The following SPMAP2L variants were observed in gnomAD, a reference collection of about 807,000 sequenced individuals.
SPMAP2L encodes sperm microtubule associated protein 2 like.
the SPMAP2L span, among the ~76,000 whole-genome samples, chr4:56,550,373 TA>T: frequency 1.3e-4 from 19 of 150,988 alleles, 1 homozygote; most frequent in South Asian, 2.3e-3. Context: ...GGTTTTCAGT[TA>T]AAAAAAAATA....
At chr4:56,565,298 A>G in the SPMAP2L span, among the ~76,000 whole-genome samples, 1 of 152,130 alleles carries the variant, frequency 6.6e-6, no homozygotes, top group Non-Finnish European at 1.5e-5. Context: ...GGATTTGTCT[A>G]TTTCTCCTTG....
At chr4:56,596,499 G>A in the SPMAP2L span, 1 of 1,516,194 alleles carries the variant, frequency 6.6e-7, no homozygotes, top group Non-Finnish European at 8.8e-7. Context: ...TTCTCCCCTA[G>A]ATGCAAACCA....
At chr4:56,542,745 C>T in the SPMAP2L span, among the ~76,000 whole-genome samples, 1 of 100,018 alleles carries the variant, frequency 1.0e-5, no homozygotes, top group African/African-American at 4.7e-5. Context: ...TAAGGCGCAT[C>T]CTCTGGCTCT....
chr4:56,614,332 A>T, the SPMAP2L span, among the ~76,000 whole-genome samples: 21 of 152,212 alleles, frequency 1.4e-4, no homozygotes, highest in Non-Finnish European at 3.1e-4. Flanking sequence ...TACATAGTAC[A>T]CTGTGAGGTG....
the SPMAP2L span, among the ~76,000 whole-genome samples, chr4:56,547,470 T>C: frequency 6.6e-6 from 1 of 152,170 alleles, no homozygotes; most frequent in African/African-American, 2.4e-5. Flanking sequence ...GATCTCGAAC[T>C]CCTGACCTCA....
chr4:56,613,558 G>A, the SPMAP2L span, among the ~76,000 whole-genome samples: 1 of 152,178 alleles, frequency 6.6e-6, no homozygotes, highest in South Asian at 2.1e-4. Context: ...AGCAATAACA[G>A]ACCTCAACTA....
At chr4:56,586,142 A>T in the SPMAP2L span, among the ~76,000 whole-genome samples, 4 of 152,174 alleles carry the variant, frequency 2.6e-5, no homozygotes, top group African/African-American at 9.7e-5. Context: ...GGGGGCTGGA[A>T]TCATCTGGAG....
the SPMAP2L span, among the ~76,000 whole-genome samples, chr4:56,587,462 A>C: frequency 1.5e-4 from 18 of 122,594 alleles, no homozygotes; most frequent in South Asian, 1.2e-3. Flanking sequence ...TTTGTCCCTC[A>C]CCCCCCTCCC....
chr4:56,582,546 T>C, the SPMAP2L span, among the ~76,000 whole-genome samples: 1 of 151,862 alleles, frequency 6.6e-6, no homozygotes, highest in East Asian at 1.9e-4. Flanking sequence ...TGATAAGAAA[T>C]AATAAATCAA....
chr4:56,535,661 G>C, the SPMAP2L span, among the ~76,000 whole-genome samples: 1 of 152,180 alleles, frequency 6.6e-6, no homozygotes, highest in South Asian at 2.1e-4. Flanking sequence ...TGTCTGAGGG[G>C]TTTTGTCTGT....
chr4:56,547,377 C>A, the SPMAP2L span, among the ~76,000 whole-genome samples: 1 of 151,956 alleles, frequency 6.6e-6, no homozygotes, highest in Admixed American at 6.6e-5. Flanking sequence ...TCCCAAGTAG[C>A]TGGGATTACA....
the SPMAP2L span, among the ~76,000 whole-genome samples, chr4:56,547,135 T>G: frequency 6.6e-6 from 1 of 152,218 alleles, no homozygotes; most frequent in Admixed American, 6.5e-5. Context: ...ACACTGAAGT[T>G]GTAACCAATA....
the SPMAP2L span, chr4:56,530,830 C>T: frequency 6.5e-7 from 1 of 1,535,320 alleles, no homozygotes; most frequent in East Asian, 2.4e-5. Context: ...GTCCGAGGAT[C>T]CCGAGAAACA....
the SPMAP2L span, chr4:56,530,652 C>T: frequency 6.6e-6 from 10 of 1,526,456 alleles, no homozygotes; most frequent in Non-Finnish European, 8.8e-6. Flanking sequence ...GTGAGTCCCG[C>T]GCGCGACAGA....
the SPMAP2L span, among the ~76,000 whole-genome samples, chr4:56,582,994 C>T: frequency 1.5e-4 from 23 of 152,172 alleles, no homozygotes; most frequent in East Asian, 4.3e-3. Flanking sequence ...AATTCCTGGC[C>T]GGGTGCAGTG....
chr4:56,566,447 T>C, the SPMAP2L span, among the ~76,000 whole-genome samples: 1 of 152,188 alleles, frequency 6.6e-6, no homozygotes. Context: ...TCCACCTGCC[T>C]TGGCCTCCCA....
chr4:56,601,186 C>A, the SPMAP2L span: 1 of 1,342,782 alleles, frequency 7.4e-7, no homozygotes, highest in Non-Finnish European at 9.9e-7. Flanking sequence ...CCTAATAAGG[C>A]AAATGAAAAG....
the SPMAP2L span, chr4:56,595,363 C>T: frequency 6.2e-7 from 1 of 1,605,116 alleles, no homozygotes; most frequent in African/African-American, 1.3e-5. Flanking sequence ...GGCAGGGACC[C>T]TCATGGTTGA....
At chr4:56,549,359 C>T in the SPMAP2L span, among the ~76,000 whole-genome samples, 2 of 152,044 alleles carry the variant, frequency 1.3e-5, no homozygotes, top group Non-Finnish European at 2.9e-5. Flanking sequence ...TAGATCTGAA[C>T]CTTTAAGGGA....
Sources: gnomAD v4.1 joint callset for allele counts (sites outside exome capture counted in the v4.1 genomes callset) on GRCh38, gnomAD v4.1.1 for gene constraint, MANE v1.5 for transcripts, NCBI Gene and HGNC (gene_info 2026-07-23, HGNC 2026-07-21) for gene names.